HEPH: variants seen among roughly 807,000 people sequenced by gnomAD.
HEPH encodes hephaestin.
A neutral mutation model predicts 80.8 loss-of-function variants in HEPH; 69 were observed. The observed-to-expected ratio is 0.85, with a 90% CI of 0.70 to 1.04. The LOEUF (loss-of-function observed/expected upper bound fraction) is 1.04. Ranked by LOEUF, HEPH falls within the 50% of genes least tolerant of loss-of-function variation. HEPH has a pLI of 0.00. For missense variants in HEPH, 1,115 were observed against 891.3 expected, an observed-to-expected ratio of 1.25 and a Z score of -3.20; for synonymous variants, 431 against 322.8, an observed-to-expected ratio of 1.34 and a Z score of -3.60.
At position 66,261,992 on chromosome X, in the gene HEPH, A is replaced by G. The variant is rs189573272; in HGVS notation, c.3200-1652A>G. On this transcript the variant is annotated intron_variant, in intron 19 of 20. Transcript: ENST00000343002. ...GGTTATCCCAAATATGAACCATCCA[A>G]TATATGAGACCATTTCAATACATAT... 1.3e-3 allele frequency among the ~76,000 whole-genome samples: 151 copies of G among 112,522 alleles called. 1 individual carries two copies. Among genetic ancestry groups the G allele is most frequent in the Middle Eastern group, 4.7e-3 (1 of 215 alleles).
rs917226557 is a variant in HEPH, at chrX:66,172,232, C to T, written c.168-123C>T. ...CTTTCATGTTTTGATCAGTACAATG[C>T]CATTTCCTCTTGTTTTGTCCTAAAC... On this transcript the variant is annotated intron_variant, in intron 2 of 20. Transcript: ENST00000343002. 14 of 602,797 alleles carry T rather than the reference C, an allele frequency of 2.3e-5. No homozygotes were observed. The African/African-American group carries it at 3.0e-4, about 13-fold the overall frequency. 49.7% of individuals were successfully genotyped at this position (602,797 alleles called of 1,213,427 possible).
intron 15 of HEPH, among the ~76,000 whole-genome samples, chrX:66,252,279 A>G (rs1432660816): frequency 8.9e-6 from 1 of 111,974 alleles, no homozygotes; most frequent in African/African-American, 3.2e-5. Flanking sequence ...TAATATGTTG[A>G]GTCTGAGATA....
At chrX:66,205,777 G>A (rs2088736984) in intron 13 of HEPH, among the ~76,000 whole-genome samples, 1 of 110,152 alleles carries the variant, frequency 9.1e-6, no homozygotes, top group Non-Finnish European at 1.9e-5. Flanking sequence ...CATTTTTAAT[G>A]GGGTGATTTG....
Position 66,165,493 on chromosome X carries a change from C to G in HEPH, c.-14+1023C>G, listed in dbSNP as rs141788829. ...AATCCTTTGTTTAGGATGAGCCTGT[C>G]TAGCCCAAAGTAGTATAACTGAGAA... On this transcript the variant is annotated intron_variant, in intron 1 of 20. Coordinates refer to ENST00000343002, the MANE Select transcript of HEPH (RefSeq NM_001367233.3). Among the ~76,000 whole-genome samples the G allele has an allele frequency of 6.3e-5, 7 of 111,411 alleles. No homozygotes were observed. The East Asian group carries it at 2.0e-3, about 31-fold the overall frequency.
chrX:66,187,632 A>G (rs2087538190), intron 4 of HEPH, among the ~76,000 whole-genome samples: 2 of 111,118 alleles, frequency 1.8e-5, no homozygotes, highest in Admixed American at 1.9e-4. Context: ...GAATACCAGC[A>G]CAGTATTTGG....
chrX:66,211,066 G>A (rs1371603041), intron 15 of HEPH, among the ~76,000 whole-genome samples: 1 of 111,306 alleles, frequency 9.0e-6, no homozygotes, highest in Non-Finnish European at 1.9e-5. Flanking sequence ...GGATAGCATA[G>A]GAATTTAACA....
chrX:66,181,944 T>C (rs1297595227), intron 4 of HEPH, among the ~76,000 whole-genome samples: 1 of 110,789 alleles, frequency 9.0e-6, no homozygotes, highest in African/African-American at 3.3e-5. Flanking sequence ...CAGCACCATT[T>C]ATTAAATAGG....
chrX:66,248,198 G>T (rs1370317176), intron 15 of HEPH, among the ~76,000 whole-genome samples: 1 of 110,774 alleles, frequency 9.0e-6, no homozygotes, highest in African/African-American at 3.3e-5. Context: ...CTCATTCCTG[G>T]TTTCACTTTC....
At chrX:66,196,264 C>G (rs1374558974) in intron 9 of HEPH, among the ~76,000 whole-genome samples, 1 of 111,030 alleles carries the variant, frequency 9.0e-6, no homozygotes, top group East Asian at 2.8e-4. Flanking sequence ...CAAAAGCAAA[C>G]AAACAAAAAC....
intron 15 of HEPH, among the ~76,000 whole-genome samples, chrX:66,211,751 C>A (rs1247015151): frequency 1.8e-5 from 2 of 111,879 alleles, no homozygotes; most frequent in Non-Finnish European, 3.8e-5. Context: ...TTGATGAACA[C>A]AGGTTGATTT....
chrX:66,240,261 T>A (rs1432324764), intron 15 of HEPH, among the ~76,000 whole-genome samples: 1 of 111,276 alleles, frequency 9.0e-6, no homozygotes, highest in Non-Finnish European at 1.9e-5. Context: ...AAATCATTAG[T>A]GACCTTAAAG....
At chrX:66,232,879 C>G (rs2090209037) in intron 15 of HEPH, among the ~76,000 whole-genome samples, 1 of 110,082 alleles carries the variant, frequency 9.1e-6, no homozygotes, top group Non-Finnish European at 1.9e-5. Context: ...CTTTGAAAAG[C>G]TTTTGCTCTG....
In HEPH at chrX:66,180,282, G is replaced by A. The variant is rs1232376032; in HGVS notation, c.625+6481G>A. Among the ~76,000 whole-genome samples, 3 of 111,282 alleles carry A rather than the reference G, an allele frequency of 2.7e-5. No individual in the cohort carries two copies. The South Asian group carries it at 1.1e-3, about 42-fold the overall frequency. ...TCAAGATTTAGAGCTCCTTTTAGCAGTTCTTGTAGTGGTGGCTTGGTAGTG... is the reference window on the plus strand; with the variant it reads ...TCAAGATTTAGAGCTCCTTTTAGCAATTCTTGTAGTGGTGGCTTGGTAGTG... On this transcript the variant is annotated intron_variant, in intron 4 of 20. Transcript: ENST00000343002.
At chrX:66,209,973 T>G (rs959652743) in intron 15 of HEPH, among the ~76,000 whole-genome samples, 6 of 111,493 alleles carry the variant, frequency 5.4e-5, no homozygotes, top group Admixed American at 9.5e-5. Context: ...GGAATAGATG[T>G]GGGAAGCATC....
At position 66,166,921 on chromosome X, in the gene HEPH, G is replaced by A. The variant is rs1193725733; in HGVS notation, c.-14+2451G>A. ...ATTCATAAAATGGAAAATCTTTATG[G>A]CCCTGGCAAGTTTCATTTCCAAACT... On this transcript the variant is annotated intron_variant, in intron 1 of 20. Transcript: ENST00000343002. Among the ~76,000 whole-genome samples the A allele has an allele frequency of 8.0e-5, 9 of 111,849 alleles. No homozygotes were observed. The Admixed American group carries it at 8.5e-4, about 11-fold the overall frequency.
rs756183698 is a variant in HEPH at position 66,170,757 on chromosome X, G to A, written c.167+20G>A. ...TGACATGTAGGTTTAATTTCTTGTGGTATTTGAGGGGAAGTTATGGGAGCA... is the reference window on the plus strand; with the variant it reads ...TGACATGTAGGTTTAATTTCTTGTGATATTTGAGGGGAAGTTATGGGAGCA... On this transcript the variant is annotated intron_variant, in intron 2 of 20. Transcript: ENST00000343002. 6.8e-6 allele frequency: 8 copies of A among 1,183,362 alleles called. No individual in the cohort carries two copies. The Admixed American group carries it at 1.3e-4, about 20-fold the overall frequency.
rs1424594591 is a variant in HEPH, at chrX:66,207,200, G to A, written c.2297G>A (p.Gly766Asp). The change falls in exon 14 of 21, where the codon GGT becomes GAT. Residue 766 changes from glycine (G) to aspartate (D), a missense_variant. Gly to Asp is a moderately conservative substitution (Grantham distance 94). Around this residue, in one of 3 missense-constraint regions of HEPH, gnomAD observed 716 missense variants for 523.5 expected, o/e 1.37. Transcript: ENST00000343002. The part of the protein sequence containing the change: ...WHNQSEKDSY[G>D]YIFLSNKDGL... Reference sequence around the variant, plus strand: ...TACTCTTTGGATTCCTCTAGTTATGGTTACATTTTCCTGAGCAACAAGGAT... The same window carrying A: ...TACTCTTTGGATTCCTCTAGTTATGATTACATTTTCCTGAGCAACAAGGAT... 8.3e-7 allele frequency: 1 copy of A among 1,205,841 alleles called. No individual in the cohort carries two copies. Among genetic ancestry groups the A allele is most frequent in the Admixed American group, 2.2e-5 (1 of 45,599 alleles).
chrX:66,172,448 A>G lies in HEPH; in HGVS notation c.261A>G (p.Thr87=). ...AAGAATACAAGGATGACTCATACAC[A>G]GATGAAGTGGCCCAGCCTGCCTGGT... ...IYKEYKDDSY[T]DEVAQPAWLG... The change falls in exon 3 of 21, where the codon ACA becomes ACG. Residue 87 remains threonine, a synonymous_variant. Transcript: ENST00000343002. 8.3e-7 allele frequency: 1 copy of G among 1,210,567 alleles called. No homozygotes were observed. The highest frequency in any genetic ancestry group is 1.7e-5 in the African/African-American group (1 of 57,789).
intron 16 of HEPH, among the ~76,000 whole-genome samples, chrX:66,255,900 G>C (rs1274373617): frequency 8.9e-6 from 1 of 112,441 alleles, no homozygotes; most frequent in Non-Finnish European, 1.9e-5. Context: ...TAAAGCATAG[G>C]TCAGATAGTG....
Sources: gnomAD v4.1 joint callset for allele counts (sites outside exome capture counted in the v4.1 genomes callset) on GRCh38, gnomAD v4.1.1 for gene constraint, gnomAD v4.1.1 regional missense constraint, MANE v1.5 for transcripts, NCBI Gene and HGNC (gene_info 2026-07-23, HGNC 2026-07-21) for gene names.